MAGOH: variants seen among roughly 807,000 people sequenced by gnomAD.
MAGOH encodes mago homolog, exon junction complex subunit.
A neutral mutation model predicts 20.9 loss-of-function variants in MAGOH; 3 were observed. That is an observed-to-expected ratio of 0.14 (90% CI 0.07 to 0.37). MAGOH has a LOEUF of 0.37. MAGOH is among the 10% of genes least tolerant of loss of function. MAGOH has a pLI of 1.00. For synonymous variants in MAGOH, 51 were observed against 61.0 expected (o/e 0.84, Z 0.76); for missense variants, 66 against 178.1 (o/e 0.37, Z 3.58).
chr1:53,231,870 T>C (rs1645588193), intron 3 of MAGOH, among the ~76,000 whole-genome samples: 1 of 152,352 alleles, frequency 6.6e-6, no homozygotes, highest in South Asian at 2.1e-4. Flanking sequence ...AAAACTGACA[T>C]CTTTATGATA....
At chr1:53,229,087 G>C (rs1572395557) in intron 3 of MAGOH, 133 bp from the exon 4 acceptor site, 1 of 642,832 alleles carries the variant, frequency 1.6e-6, no homozygotes, top group Non-Finnish European at 2.8e-6. Flanking sequence ...TTCACTCTGA[G>C]CACTAAACTG....
rs776137567 is a variant in MAGOH, at chr1:53,233,635, G to A, written c.165C>T (p.Ser55=). Residue 55 remains serine (S), a synonymous_variant, in exon 3 of 5, where the codon AGC becomes AGT. Coordinates refer to ENST00000371470, the MANE Select transcript of MAGOH (RefSeq NM_002370.4). ...MIRKEAYVHK[S]VMEELKRIID... ...TTATTCTCTTCAGTTCCTCCATCACGCTTTTATGTACATAAGCCTGAACGC... is the reference window on the plus strand; with the variant it reads ...TTATTCTCTTCAGTTCCTCCATCACACTTTTATGTACATAAGCCTGAACGC... 2.4e-5 allele frequency: 38 copies of A among 1,612,312 alleles called. No individual in the cohort carries two copies. Among genetic ancestry groups the A allele is most frequent in the African/African-American group, 1.3e-4 (10 of 74,828 alleles).
rs779983646 is a variant in MAGOH, at chr1:53,229,197, G to GT, written c.259-244dup. On this transcript the variant is annotated intron_variant, in intron 3 of 4. Transcript: ENST00000371470. ...CTCAGATTTGGAAAAATCTATGTAG[G>GT]TTTTTTTTTTTTTTTTCCTGAGACA... 9.0e-3 allele frequency among the ~76,000 whole-genome samples: 1,272 copies of GT among 141,346 alleles called. 4 individuals are homozygous for GT. Among genetic ancestry groups the GT allele is most frequent in the Middle Eastern group, 0.019 (5 of 268 alleles). The allele number at this position is 141,346 out of a possible 152,430, so 92.7% of individuals were successfully genotyped here.
chr1:53,234,615 C>A (rs948223153), intron 2 of MAGOH, among the ~76,000 whole-genome samples: 50 of 152,176 alleles, frequency 3.3e-4, no homozygotes, highest in Non-Finnish European at 5.9e-4. Context: ...ACCTCGTGAT[C>A]CGCCCGCCTC....
chr1:53,236,549 A>C (rs1645611231), intron 1 of MAGOH, among the ~76,000 whole-genome samples: 1 of 152,136 alleles, frequency 6.6e-6, no homozygotes, highest in African/African-American at 2.4e-5. Context: ...GCTTCTTTGC[A>C]TGCTGTCTAA....
At position 53,238,503 on chromosome 1, in the gene MAGOH, G is replaced by T; in HGVS notation, c.-55C>A. 1 of 1,502,162 alleles carries T rather than the reference G, an allele frequency of 6.7e-7. No individual in the cohort carries two copies. Among genetic ancestry groups the T allele is most frequent in the Non-Finnish European group, 9.3e-7 (1 of 1,078,222 alleles). 93.1% of individuals were successfully genotyped at this position (1,502,162 alleles called of 1,614,324 possible). On this transcript the variant is annotated 5_prime_UTR_variant, in exon 1 of 5. Transcript: ENST00000371470. Reference sequence around the variant, plus strand: ...TCCAAGAGCAAGCCGCACTGCCGCCGTCTGCGCCCGACACTGACGTTTGCG... The same window carrying T: ...TCCAAGAGCAAGCCGCACTGCCGCCTTCTGCGCCCGACACTGACGTTTGCG...
intron 3 of MAGOH, among the ~76,000 whole-genome samples, chr1:53,231,172 C>T (rs546408076): frequency 7.9e-5 from 12 of 152,158 alleles, no homozygotes; most frequent in Non-Finnish European, 1.6e-4. Context: ...CAAATGAAGC[C>T]GTAAATCTTT....
At chr1:53,229,018 A>G in intron 3 of MAGOH, 64 bp from the exon 4 acceptor site, 1 of 1,133,602 alleles carries the variant, frequency 8.8e-7, no homozygotes, top group Non-Finnish European at 1.3e-6. Context: ...ACACAGAAGG[A>G]TTAATCATTT....
intron 1 of MAGOH, among the ~76,000 whole-genome samples, chr1:53,236,627 T>G (rs995599610): frequency 6.6e-6 from 1 of 152,226 alleles, no homozygotes; most frequent in African/African-American, 2.4e-5. Context: ...TCATTTTATG[T>G]AGGAAGCCTC....
Position 53,227,037 on chromosome 1 carries a change from T to TA in MAGOH, c.*7dup. The TA allele has an allele frequency of 1.6e-6, 1 of 640,782 alleles. No homozygotes were observed. Among genetic ancestry groups the TA allele is most frequent in the Non-Finnish European group, 2.5e-6 (1 of 393,678 alleles). The allele number at this position is 640,782 out of a possible 1,614,324, so 39.7% of individuals were successfully genotyped here. On this transcript the variant is annotated 3_prime_UTR_variant, in exon 5 of 5. Coordinates refer to ENST00000371470, the MANE Select transcript of MAGOH (RefSeq NM_002370.4). ...CACCCACCCCCCATGTCCACACCAA[T>TA]ATTCAGTCTAGATTGGTTTAATCTT...
intron 2 of MAGOH, 61 bp downstream of exon 2, chr1:53,235,513 CAAT>C (rs928625031): frequency 7.2e-7 from 1 of 1,380,330 alleles, no homozygotes; most frequent in African/African-American, 1.4e-5. Flanking sequence ...ACAATAAAAA[CAAT>C]GCAAGACAAA....
At chr1:53,237,168 T>C (rs61769618) in intron 1 of MAGOH, among the ~76,000 whole-genome samples, 3,577 of 150,052 alleles carry the variant, frequency 0.024, 69 homozygotes, top group East Asian at 0.074. Flanking sequence ...AGGCTGGTCT[T>C]GAACTCCTGA....
intron 3 of MAGOH, among the ~76,000 whole-genome samples, chr1:53,232,053 A>C (rs1199012222): frequency 3.3e-5 from 5 of 152,218 alleles, no homozygotes; most frequent in Non-Finnish European, 7.3e-5. Context: ...GTACAAAGGA[A>C]TATGCCCTTC....
At chr1:53,233,824 G>C (rs991244319) in intron 2 of MAGOH, 172 bp from the exon 3 acceptor site, 3 of 560,106 alleles carry the variant, frequency 5.4e-6, no homozygotes, top group African/African-American at 3.8e-5. Flanking sequence ...GACACGGTCA[G>C]AAGTATCCAG....
chr1:53,228,759 C>T, intron 4 of MAGOH, 113 bp downstream of exon 4: 7 of 782,234 alleles, frequency 8.9e-6, no homozygotes, highest in Non-Finnish European at 1.1e-5. Context: ...AGCTGCCCAC[C>T]TGCATTTTGC....
intron 1 of MAGOH, among the ~76,000 whole-genome samples, chr1:53,236,759 G>A (rs1432165894): frequency 2.6e-5 from 4 of 152,006 alleles, no homozygotes; most frequent in Admixed American, 6.5e-5. Flanking sequence ...CCTCACAGTC[G>A]AGGCCTGTCA....
chr1:53,233,739 T>C, intron 2 of MAGOH, 87 bp from the exon 3 acceptor site: 1 of 850,794 alleles, frequency 1.2e-6, no homozygotes, highest in Admixed American at 2.0e-5. Flanking sequence ...AAATAACTGT[T>C]CCTGCAGACT....
Position 53,233,463 on chromosome 1 carries a change from A to C in MAGOH, c.258+79T>G, listed in dbSNP as rs1572397034. The stretch of plus-strand genomic sequence containing the variant: ...TAGTTAGTAAGTGAGATAGGCAACA[A>C]AAGCTTTAAGTGGAGGAGGGAGTGT... On this transcript the variant is annotated intron_variant, in intron 3 of 4. Coordinates refer to ENST00000371470, the MANE Select transcript of MAGOH (RefSeq NM_002370.4). 5.3e-6 allele frequency: 5 copies of C among 936,450 alleles called. No homozygotes were observed. The East Asian group carries it at 1.2e-4, about 23-fold the overall frequency. 58.0% of individuals were successfully genotyped at this position (936,450 alleles called of 1,614,324 possible). A position where few individuals can be genotyped will look rare whatever the true frequency, so the allele number is the denominator to read the frequency against.
rs768929861 is a variant in MAGOH, at chr1:53,236,163, TGAG to T, written c.89-531_89-529del. Among the ~76,000 whole-genome samples, 7 of 152,196 alleles carry T rather than the reference TGAG, an allele frequency of 4.6e-5. 1 individual carries two copies. Among genetic ancestry groups the T allele is most frequent in the Admixed American group, 2.6e-4 (4 of 15,278 alleles). Reference sequence around the variant, plus strand: ...GCATCTGACAGATTAATGGTGGGGATGAGGAGAAGACAGAAGGAAATAGAAGAC... The same window carrying T: ...GCATCTGACAGATTAATGGTGGGGATGAGAAGACAGAAGGAAATAGAAGAC... On this transcript the variant is annotated intron_variant, in intron 1 of 4. Coordinates refer to ENST00000371470, the MANE Select transcript of MAGOH (RefSeq NM_002370.4).
Sources: allele counts gnomAD v4.1 joint callset (sites outside exome capture counted in the v4.1 genomes callset), GRCh38; gene constraint gnomAD v4.1.1; transcripts MANE v1.5; gene names NCBI Gene and HGNC (gene_info 2026-07-23, HGNC 2026-07-21).